Variants in SLC36A4 observed in about 807,000 individuals in gnomAD.
The protein encoded by SLC36A4 is solute carrier family 36 member 4, also known as neutral amino acid uniporter 4.
SLC36A4 carries 49 observed loss-of-function variants against 50.5 expected under a neutral mutation model. The observed-to-expected ratio is 0.97, with a 90% CI of 0.77 to 1.23. The LOEUF (loss-of-function observed/expected upper bound fraction) is 1.23. Ranked by LOEUF, SLC36A4 falls within the 50% of genes most tolerant of loss-of-function variation. The pLI, the probability that SLC36A4 is intolerant of heterozygous loss-of-function variation, is 0.00. For synonymous variants in SLC36A4, 207 were observed against 206.5 expected, an observed-to-expected ratio of 1.00 and a Z score of -0.02; for missense variants, 611 against 608.4, an observed-to-expected ratio of 1.00 and a Z score of -0.05.
intron 6 of SLC36A4, among the ~76,000 whole-genome samples, chr11:93,169,544 G>A (rs1861037503): frequency 6.6e-6 from 1 of 152,070 alleles, no homozygotes; most frequent in African/African-American, 2.4e-5. Context: ...AATCTTACAT[G>A]TATAATCTAC....
chr11:93,150,974 G>A (rs1276759457), intron 10 of SLC36A4, among the ~76,000 whole-genome samples: 1 of 151,808 alleles, frequency 6.6e-6, no homozygotes, highest in Non-Finnish European at 1.5e-5. Context: ...ACTATGTGGG[G>A]GAATACTATA....
chr11:93,189,000 C>T (rs918585358), intron 1 of SLC36A4, among the ~76,000 whole-genome samples: 2 of 152,074 alleles, frequency 1.3e-5, no homozygotes, highest in African/African-American at 4.8e-5. Flanking sequence ...GTTTAAATTT[C>T]CCCTTTTTAT....
At position 93,148,589 on chromosome 11, in the gene SLC36A4, T is replaced by A. The variant is rs1240155307; in HGVS notation, c.1463A>T (p.Gln488Leu). The A allele has an allele frequency of 6.2e-7, 1 of 1,612,782 alleles. No individual in the cohort carries two copies. Among genetic ancestry groups the A allele is most frequent in the East Asian group, 2.2e-5 (1 of 44,818 alleles). ...TGAATTCAAATTTAGAAAAGGACTC[T>A]GTGGAGTGCCAGCTACAACTTTGGG... ...PTPKVVAGTP[Q>L]SPFLNLNSTC... Residue 488 changes from glutamine (Q) to leucine (L), a missense_variant, in exon 11 of 11, where the codon CAG becomes CTG. Coordinates refer to ENST00000326402, the MANE Select transcript of SLC36A4 (RefSeq NM_152313.4).
intron 6 of SLC36A4, chr11:93,170,216 A>T (rs1861065721): frequency 6.6e-6 from 1 of 152,090 alleles, no homozygotes; most frequent in Non-Finnish European, 1.5e-5. Flanking sequence ...ACCAAAATGT[A>T]AAACACTGAA....
chr11:93,182,282 A>G, intron 4 of SLC36A4: 1 of 908,326 alleles, frequency 1.1e-6, no homozygotes, highest in Non-Finnish European at 1.3e-6. Context: ...AAGCTCATAA[A>G]TGATTTGCCC....
At chr11:93,161,030 G>C (rs1461009905) in intron 9 of SLC36A4, among the ~76,000 whole-genome samples, 1 of 151,822 alleles carries the variant, frequency 6.6e-6, no homozygotes, top group Admixed American at 6.6e-5. Context: ...TGTAGATTTG[G>C]AGTTTCACTA....
In SLC36A4 at chr11:93,144,775, A is replaced by T. The variant is rs1030317028; in HGVS notation, c.*3762T>A. On this transcript the variant is annotated 3_prime_UTR_variant, in exon 11 of 11. Transcript: ENST00000326402. ...CCAGGAATTTAATGTTAGGAAGTAC[A>T]ACTACACTTTTCAGATCCAAGTTTC... 2 of 152,060 alleles carry T rather than the reference A, an allele frequency of 1.3e-5. No homozygotes were observed. Among genetic ancestry groups the T allele is most frequent in the Non-Finnish European group, 2.9e-5 (2 of 67,970 alleles). 9.4% of individuals were successfully genotyped at this position (152,060 alleles called of 1,614,324 possible).
intron 6 of SLC36A4, among the ~76,000 whole-genome samples, chr11:93,175,212 T>C (rs1380105017): frequency 2.0e-5 from 3 of 151,654 alleles, no homozygotes; most frequent in Admixed American, 6.6e-5. Flanking sequence ...CCATTTCTTC[T>C]AGATTTTCTA....
In SLC36A4 at chr11:93,145,327, CGG is replaced by C. The variant is rs1316628117; in HGVS notation, c.*3208_*3209del. ...CAAGATGCAGAAATCATTTTAATAA[CGG>C]AGAATTTAGTGAGAATACGACTAAA... On this transcript the variant is annotated 3_prime_UTR_variant, in exon 11 of 11. Coordinates refer to ENST00000326402, the MANE Select transcript of SLC36A4 (RefSeq NM_152313.4). 3.9e-5 allele frequency: 6 copies of C among 151,988 alleles called. No homozygotes were observed. The highest frequency in any genetic ancestry group is 1.4e-4 in the African/African-American group (6 of 41,402). 9.4% of individuals were successfully genotyped at this position (151,988 alleles called of 1,614,324 possible).
chr11:93,182,665 AC>A, intron 4 of SLC36A4, 140 bp downstream of exon 4: 1 of 493,958 alleles, frequency 2.0e-6, no homozygotes. Context: ...ATGAAATGCT[AC>A]CTTCTTCCAT....
At chr11:93,150,347 T>G (rs1267675479) in intron 10 of SLC36A4, among the ~76,000 whole-genome samples, 1 of 151,772 alleles carries the variant, frequency 6.6e-6, no homozygotes, top group East Asian at 1.9e-4. Context: ...TTTCTCTACT[T>G]CTTAATTTTC....
chr11:93,184,339 C>A lies in SLC36A4; in HGVS notation c.270+91G>T. 7.7e-6 allele frequency: 6 copies of A among 781,764 alleles called. No individual in the cohort carries two copies. The Admixed American group carries it at 1.1e-4, about 15-fold the overall frequency. The allele number at this position is 781,764 out of a possible 1,614,324, so 48.4% of individuals were successfully genotyped here. A position where few individuals can be genotyped will look rare whatever the true frequency, so the allele number is the denominator to read the frequency against. On this transcript the variant is annotated intron_variant, in intron 3 of 10. Transcript: ENST00000326402. ...AAATGATCATCTAAATGTCACCTTA[C>A]CAGGTTATATTTGACTAGGCCAGAT...
At chr11:93,183,037 A>G (rs1180763802) in intron 3 of SLC36A4, 143 bp from the exon 4 acceptor site, 4 of 584,816 alleles carry the variant, frequency 6.8e-6, no homozygotes, top group East Asian at 6.0e-5. Context: ...GGGAAAACTA[A>G]TAAACTTGAT....
chr11:93,155,456 C>T (rs1860312709), intron 9 of SLC36A4: 1 of 151,890 alleles, frequency 6.6e-6, no homozygotes, highest in East Asian at 1.9e-4. Context: ...TATATAATGT[C>T]AAGGTATATA....
At position 93,165,959 on chromosome 11, in the gene SLC36A4, A is replaced by C. The variant is rs1860838265; in HGVS notation, c.826T>G (p.Phe276Val). 6.2e-7 allele frequency: 1 copy of C among 1,611,352 alleles called. No homozygotes were observed. The change falls in exon 8 of 11, where the codon TTT (phenylalanine) becomes GTT (valine). Residue 276 changes from phenylalanine to valine, a missense_variant. By Grantham distance (50) the Phe-to-Val change is conservative. Transcript: ENST00000326402. The stretch of plus-strand genomic sequence containing the variant: ...AAAGCAAATACAGCAGTACCAAAAA[A>C]GAGTGGGTATTTCTTCCAACCAGCC... ...IVAGWKKYPL[F>V]FGTAVFAFEG... is the part of the protein sequence containing the mutation.
intron 1 of SLC36A4, among the ~76,000 whole-genome samples, chr11:93,191,415 A>G (rs542748875): frequency 3.1e-4 from 47 of 152,204 alleles, no homozygotes; most frequent in Non-Finnish European, 5.4e-4. Context: ...ATATGGCAGA[A>G]GATTAAGCTG....
At chr11:93,174,686 T>G (rs1280209303) in intron 6 of SLC36A4, among the ~76,000 whole-genome samples, 1 of 138,594 alleles carries the variant, frequency 7.2e-6, no homozygotes, top group East Asian at 2.3e-4. Context: ...AAAGGCTTTT[T>G]CTGCATCTAT....
intron 6 of SLC36A4, among the ~76,000 whole-genome samples, chr11:93,170,633 G>A (rs955858259): frequency 6.6e-6 from 1 of 152,004 alleles, no homozygotes; most frequent in African/African-American, 2.4e-5. Flanking sequence ...CTTTGATATT[G>A]CTACATTTTT....
At chr11:93,152,203 G>A (rs1230416995) in intron 10 of SLC36A4, 1 of 152,066 alleles carries the variant, frequency 6.6e-6, no homozygotes, top group Non-Finnish European at 1.5e-5. Context: ...ATGCAAATCA[G>A]GCTGAGCCTC....
Sources: allele counts gnomAD v4.1 joint callset (sites outside exome capture counted in the v4.1 genomes callset), GRCh38; gene constraint gnomAD v4.1.1; transcripts MANE v1.5; gene names NCBI Gene and HGNC (gene_info 2026-07-23, HGNC 2026-07-21).